Variants in PPP4R2 observed in about 807,000 individuals in gnomAD.
The protein encoded by PPP4R2 is protein phosphatase 4 regulatory subunit 2, also known as serine/threonine-protein phosphatase 4 regulatory subunit 2.
In PPP4R2, 13 loss-of-function variants were observed where a neutral mutation model predicts 47.2. That is an observed-to-expected ratio of 0.28 (90% CI 0.18 to 0.44). The LOEUF is 0.44. PPP4R2 is among the 20% of genes least tolerant of loss of function. The pLI, the probability that PPP4R2 is intolerant of heterozygous loss-of-function variation, is 1.00. For missense variants in PPP4R2, 421 were observed against 491.2 expected (o/e 0.86, Z 1.35); for synonymous variants, 151 against 163.3 (o/e 0.92, Z 0.57).
chr3:73,002,634 C>CTTTTCTTTTCTTTTTT (rs1205542107), intron 2 of PPP4R2, among the ~76,000 whole-genome samples: 1 of 41,166 alleles, frequency 2.4e-5, no homozygotes, highest in African/African-American at 1.2e-4. Flanking sequence ...CTTTTCTTTT[C>CTTTTCTTTTCTTTTTT]TTTTTTTTTT....
intron 3 of PPP4R2, 84 bp downstream of exon 3, chr3:73,047,440 A>ATTAT (rs71126828): frequency 1.2e-6 from 1 of 815,524 alleles, no homozygotes; most frequent in Non-Finnish European, 1.8e-6. Context: ...TGTCTGGTTG[A>ATTAT]TGATTGATTA....
intron 2 of PPP4R2, among the ~76,000 whole-genome samples, chr3:73,032,018 C>T (rs958785551): frequency 6.6e-6 from 1 of 152,246 alleles, no homozygotes; most frequent in Admixed American, 6.5e-5. Context: ...TGCCTTAGGC[C>T]CTACAAATGA....
chr3:73,023,625 T>A (rs1374926203), intron 2 of PPP4R2, among the ~76,000 whole-genome samples: 2 of 152,218 alleles, frequency 1.3e-5, no homozygotes, highest in Admixed American at 1.3e-4. Flanking sequence ...TTTAAAACAA[T>A]TTAAACAGTG....
chr3:73,062,079 A>G (rs1702871798), intron 5 of PPP4R2: 1 of 1,533,252 alleles, frequency 6.5e-7, no homozygotes, highest in African/African-American at 1.4e-5. Flanking sequence ...ATAGCGACTA[A>G]TAATGGGTTA....
At chr3:73,004,079 G>C in intron 2 of PPP4R2, among the ~76,000 whole-genome samples, 1 of 151,980 alleles carries the variant, frequency 6.6e-6, no homozygotes, top group East Asian at 1.9e-4. Context: ...CAAGTGATCT[G>C]CCTGTCTCGG....
At chr3:73,062,987 C>T in intron 5 of PPP4R2, 2 of 1,155,510 alleles carry the variant, frequency 1.7e-6, no homozygotes, top group Non-Finnish European at 2.5e-6. Flanking sequence ...CTCTACGGGC[C>T]ATTGTGTCTG....
intron 2 of PPP4R2, among the ~76,000 whole-genome samples, chr3:73,002,060 A>G (rs935689292): frequency 1.2e-4 from 18 of 152,024 alleles, no homozygotes; most frequent in African/African-American, 3.9e-4. Flanking sequence ...CCTTTGTGAG[A>G]TCCACTGTTG....
intron 2 of PPP4R2, among the ~76,000 whole-genome samples, chr3:73,016,700 T>C (rs1701838446): frequency 6.6e-6 from 1 of 151,172 alleles, no homozygotes; most frequent in Non-Finnish European, 1.5e-5. Context: ...TTAAATATGG[T>C]GTCTGTTAAC....
chr3:73,066,261 T>TATAA lies in PPP4R2; in HGVS notation c.*540_*541insTAAA, dbSNP rs1462711104. The TATAA allele has an allele frequency of 6.8e-6, 1 of 146,940 alleles. No homozygotes were observed. Among genetic ancestry groups the TATAA allele is most frequent in the African/African-American group, 2.5e-5 (1 of 40,452 alleles). 9.1% of individuals were successfully genotyped at this position (146,940 alleles called of 1,614,324 possible). On this transcript the variant is annotated 3_prime_UTR_variant, in exon 9 of 9. Transcript: ENST00000356692. ...ATACATATATATATATATATATATA[T>TATAA]AATTCTAAGGGGGGAAATGTTATAT...
intron 3 of PPP4R2, among the ~76,000 whole-genome samples, chr3:73,053,337 C>T (rs1416408494): frequency 6.6e-6 from 1 of 151,842 alleles, no homozygotes; most frequent in African/African-American, 2.4e-5. Flanking sequence ...TGTAACCATC[C>T]CTCCTTACTA....
rs776827169 is a variant in PPP4R2 at position 73,065,774 on chromosome 3, A to T, written c.*52A>T. 5 of 1,234,004 alleles carry T rather than the reference A, an allele frequency of 4.1e-6. No individual in the cohort carries two copies. The African/African-American group carries it at 4.6e-5, about 11-fold the overall frequency. 76.4% of individuals were successfully genotyped at this position (1,234,004 alleles called of 1,614,324 possible). ...TTTTACATACAGTTCTGGTTTTAAC[A>T]CTGTATAAAACTTTTGTGTAATAAA... On this transcript the variant is annotated 3_prime_UTR_variant, in exon 9 of 9. Transcript: ENST00000356692.
At chr3:73,000,570 C>T (rs535848524) in intron 2 of PPP4R2, among the ~76,000 whole-genome samples, 2 of 151,942 alleles carry the variant, frequency 1.3e-5, no homozygotes, top group African/African-American at 2.4e-5. Flanking sequence ...TGGAGGAGGC[C>T]GTAGGAAAAA....
intron 2 of PPP4R2, among the ~76,000 whole-genome samples, chr3:73,021,846 A>T (rs9814067): frequency 8.3e-6 from 1 of 120,832 alleles, no homozygotes; most frequent in African/African-American, 3.9e-5. Context: ...TTACATTTCT[A>T]TATGTGTGTG....
chr3:73,006,648 G>C (rs765493355), intron 2 of PPP4R2, among the ~76,000 whole-genome samples: 4 of 151,976 alleles, frequency 2.6e-5, no homozygotes, highest in Admixed American at 2.0e-4. Context: ...CCTCATTGTG[G>C]GGCTTACCTC....
rs1173734970 is a variant in PPP4R2, at chr3:73,002,634, C to CTTTTTTTT, written c.116+4494_116+4501dup. 1.1e-3 allele frequency among the ~76,000 whole-genome samples: 46 copies of CTTTTTTTT among 41,164 alleles called. 1 individual carries two copies. Among genetic ancestry groups the CTTTTTTTT allele is most frequent in the African/African-American group, 1.9e-3 (16 of 8,558 alleles). 27.0% of individuals were successfully genotyped at this position (41,164 alleles called of 152,430 possible). On this transcript the variant is annotated intron_variant, in intron 2 of 8. Transcript: ENST00000356692. The stretch of plus-strand genomic sequence containing the variant: ...CTTTTCTTTTCTTTTCTTTTCTTTT[C>CTTTTTTTT]TTTTTTTTTTTTTTTTTTTTTTTTT...
intron 2 of PPP4R2, among the ~76,000 whole-genome samples, chr3:73,000,196 T>A (rs1701430478): frequency 6.6e-6 from 1 of 152,148 alleles, no homozygotes; most frequent in Non-Finnish European, 1.5e-5. Context: ...TACCTGAGTG[T>A]GTTGGTACAT....
chr3:73,046,978 G>T (rs1702499413), intron 2 of PPP4R2, among the ~76,000 whole-genome samples: 1 of 152,066 alleles, frequency 6.6e-6, no homozygotes, highest in South Asian at 2.1e-4. Context: ...TCTGGGTTTT[G>T]TTTGGGTTGG....
intron 2 of PPP4R2, among the ~76,000 whole-genome samples, chr3:73,026,184 A>G (rs1702059796): frequency 6.6e-6 from 1 of 152,112 alleles, no homozygotes; most frequent in South Asian, 2.1e-4. Context: ...TTGTAGCTCT[A>G]TTTAATTTGA....
intron 2 of PPP4R2, among the ~76,000 whole-genome samples, chr3:73,040,308 A>C (rs902696521): frequency 6.6e-6 from 1 of 152,198 alleles, no homozygotes; most frequent in Non-Finnish European, 1.5e-5. Context: ...AGTATGGTAC[A>C]TGGTGTCTGG....
Sources: allele counts gnomAD v4.1 joint callset (sites outside exome capture counted in the v4.1 genomes callset), GRCh38; gene constraint gnomAD v4.1.1; transcripts MANE v1.5; gene names NCBI Gene and HGNC (gene_info 2026-07-23, HGNC 2026-07-21).